PKHD1: variants seen among roughly 807,000 people sequenced by gnomAD.
PKHD1 encodes PKHD1 ciliary IPT domain containing fibrocystin/polyductin, also known as fibrocystin.
Under a neutral mutation model 412.0 loss-of-function variants are expected in PKHD1, and 291 were observed. The observed-to-expected ratio is 0.71, with a 90% confidence interval of 0.64 to 0.78. The LOEUF is 0.78. Among genes scored for constraint, PKHD1 ranks in the 30% least tolerant of loss-of-function variants. PKHD1 has a pLI of 0.00. For synonymous variants in PKHD1, 1,777 were observed against 1,821.5 expected, an observed-to-expected ratio of 0.98 and a Z score of 0.62; for missense variants, 4,825 against 4,950.7, an observed-to-expected ratio of 0.97 and a Z score of 0.76.
chr6:51,836,782 T>C (rs1769307268), intron 50 of PKHD1, among the ~76,000 whole-genome samples: 2 of 152,212 alleles, frequency 1.3e-5, no homozygotes, highest in Admixed American at 6.5e-5. Flanking sequence ...GCAGGGCATA[T>C]ACCTCATATC....
intron 53 of PKHD1, among the ~76,000 whole-genome samples, chr6:51,780,792 T>A (rs1791862102): frequency 6.6e-6 from 1 of 152,194 alleles, no homozygotes; most frequent in Admixed American, 6.6e-5. Flanking sequence ...TACTCTTCAA[T>A]GAGTTTTGTT....
chr6:51,638,832 A>T lies in PKHD1; in HGVS notation c.11506+17T>A, dbSNP rs1562001974. The T allele has an allele frequency of 3.5e-6, 5 of 1,427,960 alleles. No homozygotes were observed. The highest frequency in any genetic ancestry group is 4.9e-6 in the Non-Finnish European group (5 of 1,011,372). 88.5% of individuals were successfully genotyped at this position (1,427,960 alleles called of 1,614,324 possible). On this transcript the variant is annotated intron_variant, in intron 64 of 66. Coordinates refer to ENST00000371117, the MANE Select transcript of PKHD1 (RefSeq NM_138694.4). ...AAAAAAAAAAACACAGAATAAAAGC[A>T]CACTGTATAAAATTACCTGGAGGAG...
At chr6:51,758,120 A>C (rs1787379501) in intron 55 of PKHD1, among the ~76,000 whole-genome samples, 1 of 152,134 alleles carries the variant, frequency 6.6e-6, no homozygotes, top group African/African-American at 2.4e-5. Context: ...TCTAGGAATT[A>C]TTAAAATTAT....
chr6:51,887,021 G>A (rs1290231544), intron 44 of PKHD1, 112 bp downstream of exon 44: 94 of 756,824 alleles, frequency 1.2e-4, no homozygotes, highest in Admixed American at 6.4e-4. Context: ...AAATGCACAG[G>A]AACATCACCC....
chr6:52,024,812 G>A lies in PKHD1; in HGVS notation c.4998C>T (p.Ser1666=), dbSNP rs374025329. 12 of 1,614,172 alleles carry A rather than the reference G, an allele frequency of 7.4e-6. No homozygotes were observed. Among genetic ancestry groups the A allele is most frequent in the East Asian group, 6.7e-5 (3 of 44,882 alleles). Residue 1666 remains serine, a synonymous_variant, in exon 32 of 67, where the codon AGC becomes AGT. Coordinates refer to ENST00000371117, the MANE Select transcript of PKHD1 (RefSeq NM_138694.4). ...FTPELISISQ[S]DDILTFAVAQ... ...CCACTGCAAAGGTTAAGATGTCATC[G>A]CTCTGAGAAATAGAGATCAATTCTG...
chr6:51,878,531 T>C lies in PKHD1; in HGVS notation c.7350+4562A>G, dbSNP rs1181736911. On this transcript the variant is annotated intron_variant, in intron 46 of 66. Coordinates refer to ENST00000371117, the MANE Select transcript of PKHD1 (RefSeq NM_138694.4). Reference sequence around the variant, plus strand: ...GACAAAAACCACATGATTATCTCAATAGACGCAGAAAAAGCCTTTGACAAA... The same window carrying C: ...GACAAAAACCACATGATTATCTCAACAGACGCAGAAAAAGCCTTTGACAAA... Among the ~76,000 whole-genome samples the C allele has an allele frequency of 6.1e-5, 4 of 65,248 alleles. 1 individual carries two copies. Among genetic ancestry groups the C allele is most frequent in the Non-Finnish European group, 8.2e-5 (3 of 36,592 alleles). 42.8% of individuals were successfully genotyped at this position (65,248 alleles called of 152,430 possible).
At chr6:51,981,322 CCTCTCCCTCTCCCTCT>C in intron 35 of PKHD1, among the ~76,000 whole-genome samples, 2 of 16,502 alleles carry the variant, frequency 1.2e-4, no homozygotes, top group Admixed American at 4.9e-4. Flanking sequence ...TCTCCCTCTC[CCTCTCCCTCTCCCTCT>C]CCCTCTCCCT....
At chr6:51,817,110 T>G (rs1486487225) in intron 52 of PKHD1, among the ~76,000 whole-genome samples, 2 of 151,764 alleles carry the variant, frequency 1.3e-5, no homozygotes, top group Non-Finnish European at 2.9e-5. Context: ...CTTTCCCATA[T>G]TACCAGAACT....
intron 60 of PKHD1, among the ~76,000 whole-genome samples, chr6:51,727,712 ACT>A (rs1453408319): frequency 6.6e-6 from 1 of 151,976 alleles, no homozygotes; most frequent in Non-Finnish European, 1.5e-5. Flanking sequence ...GGAAAGGCAA[ACT>A]CTGCCATTTT....
chr6:51,828,058 G>GT (rs998139882), intron 52 of PKHD1, among the ~76,000 whole-genome samples: 4 of 152,030 alleles, frequency 2.6e-5, no homozygotes, highest in African/African-American at 9.7e-5. Context: ...ACAAATAATA[G>GT]TTTTTTATTT....
rs1562288529 is a variant in PKHD1 at position 52,073,559 on chromosome 6, T to A, written c.449-18A>T. ...TAGTTTTCCTGTTTGAAGAAGAATT[T>A]TTTTAATTTAATGGACTTAGCTCAA... On this transcript the variant is annotated intron_variant, in intron 6 of 66. Transcript: ENST00000371117. The A allele has an allele frequency of 6.8e-7, 1 of 1,472,832 alleles. No homozygotes were observed. The highest frequency in any genetic ancestry group is 1.1e-5 in the South Asian group (1 of 88,138). The allele number at this position is 1,472,832 out of a possible 1,614,324, so 91.2% of individuals were successfully genotyped here.
chr6:51,846,260 T>C (rs1583004839), intron 50 of PKHD1, among the ~76,000 whole-genome samples: 1 of 152,204 alleles, frequency 6.6e-6, no homozygotes, highest in South Asian at 2.1e-4. Flanking sequence ...TTAACAGTTC[T>C]GGGGCTAGCC....
intron 60 of PKHD1, among the ~76,000 whole-genome samples, chr6:51,702,447 G>C (rs1438106550): frequency 1.3e-5 from 2 of 151,608 alleles, no homozygotes; most frequent in African/African-American, 4.8e-5. Flanking sequence ...TAGGAGGCAG[G>C]TGAAAGATAA....
chr6:51,859,245 G>A (rs1344598003), intron 48 of PKHD1, among the ~76,000 whole-genome samples: 2 of 151,966 alleles, frequency 1.3e-5, no homozygotes, highest in African/African-American at 2.4e-5. Flanking sequence ...AAATTACCTC[G>A]GCCGGGAGCG....
chr6:51,800,887 G>C (rs1762808300), intron 52 of PKHD1, among the ~76,000 whole-genome samples: 1 of 152,220 alleles, frequency 6.6e-6, no homozygotes, highest in Non-Finnish European at 1.5e-5. Context: ...ATGCCAGGCA[G>C]AGCAGGACAT....
chr6:51,923,569 A>G (rs1162464013), intron 37 of PKHD1, among the ~76,000 whole-genome samples: 2 of 152,162 alleles, frequency 1.3e-5, no homozygotes, highest in Non-Finnish European at 2.9e-5. Context: ...AAATTTTTAT[A>G]TAGTCTTTGT....
intron 60 of PKHD1, among the ~76,000 whole-genome samples, chr6:51,693,035 T>C (rs1350759231): frequency 6.6e-6 from 1 of 152,260 alleles, no homozygotes; most frequent in Non-Finnish European, 1.5e-5. Context: ...TTGTTGTTTT[T>C]TGCTGTTTTG....
intron 46 of PKHD1, among the ~76,000 whole-genome samples, chr6:51,872,872 T>G (rs958490055): frequency 7.7e-6 from 1 of 129,556 alleles, no homozygotes; most frequent in Non-Finnish European, 1.6e-5. Flanking sequence ...CTTCCATCGT[T>G]TCCTTTTTTT....
At chr6:51,917,340 C>A (rs1230198164) in intron 37 of PKHD1, among the ~76,000 whole-genome samples, 2 of 152,082 alleles carry the variant, frequency 1.3e-5, no homozygotes, top group South Asian at 4.1e-4. Context: ...TTTCTGGATG[C>A]AACATCACCA....
Sources: allele counts gnomAD v4.1 joint callset (sites outside exome capture counted in the v4.1 genomes callset), GRCh38; gene constraint gnomAD v4.1.1; transcripts MANE v1.5; gene names NCBI Gene and HGNC (gene_info 2026-07-23, HGNC 2026-07-21).